Variants in SLC14A2 observed in about 807,000 individuals in gnomAD.
SLC14A2 encodes urea transporter 2.
In SLC14A2, 91 loss-of-function variants were observed where a neutral mutation model predicts 104.6. That is an observed-to-expected ratio of 0.87 (90% CI 0.73 to 1.04). The LOEUF (loss-of-function observed/expected upper bound fraction) is 1.04. SLC14A2 is among the 50% of genes least tolerant of loss of function. The pLI is 0.00. For synonymous variants in SLC14A2, 476 were observed against 466.4 expected (o/e 1.02, Z -0.27); for missense variants, 1,189 against 1,156.0 (o/e 1.03, Z -0.41).
chr18:45,682,481 T>G lies in SLC14A2; in HGVS notation c.2725T>G (p.Ser909Ala). ...GTCCCAGGAGAGAAACAGAAGGGCA[T>G]CAATCATAACAAAGTATCAGGCCTA... is the stretch of plus-strand genomic sequence containing the variant. ...YLSQERNRRA[S>A]IITKYQAYDV... Residue 909 changes from serine to alanine, a missense_variant, in exon 20 of 20, where the codon TCA (serine) becomes GCA (alanine). Ser to Ala is a moderately conservative substitution (Grantham distance 99, BLOSUM62 1). Coordinates refer to ENST00000255226, the MANE Select transcript of SLC14A2 (RefSeq NM_007163.4). The G allele has an allele frequency of 4.3e-6, 7 of 1,614,130 alleles. No individual in the cohort carries two copies. Among genetic ancestry groups the G allele is most frequent in the Non-Finnish European group, 5.9e-6 (7 of 1,179,994 alleles).
chr18:45,538,356 T>C (rs1005789217), intron 2 of SLC14A2, among the ~76,000 whole-genome samples: 2 of 152,244 alleles, frequency 1.3e-5, no homozygotes, highest in African/African-American at 4.8e-5. Flanking sequence ...TTTAATTACA[T>C]GGGACAAAAC....
chr18:45,677,250 G>C (rs971418329), intron 18 of SLC14A2, among the ~76,000 whole-genome samples: 2 of 152,210 alleles, frequency 1.3e-5, no homozygotes, highest in Admixed American at 1.3e-4. Flanking sequence ...ATATCAGTGG[G>C]GGAAGAGGGA....
At chr18:45,448,392 T>C (rs1227033938) in intron 1 of SLC14A2, among the ~76,000 whole-genome samples, 1 of 152,210 alleles carries the variant, frequency 6.6e-6, no homozygotes, top group African/African-American at 2.4e-5. Flanking sequence ...TAATTAATAA[T>C]ATGTAAACTG....
intron 1 of SLC14A2, among the ~76,000 whole-genome samples, chr18:45,246,830 T>C (rs2084371937): frequency 6.6e-6 from 1 of 151,950 alleles, no homozygotes; most frequent in Non-Finnish European, 1.5e-5. Flanking sequence ...CCAAATATAG[T>C]GAAACCCCGT....
At chr18:45,392,747 A>G (rs2085984929) in intron 1 of SLC14A2, among the ~76,000 whole-genome samples, 1 of 152,210 alleles carries the variant, frequency 6.6e-6, no homozygotes, top group Non-Finnish European at 1.5e-5. Context: ...AATTGTTGGA[A>G]TTAACTTGTT....
At chr18:45,680,802 A>G (rs1472866506) in intron 19 of SLC14A2, among the ~76,000 whole-genome samples, 1 of 152,234 alleles carries the variant, frequency 6.6e-6, no homozygotes, top group African/African-American at 2.4e-5. Context: ...CGGTTCTTGG[A>G]CTGTGGAAAT....
intron 2 of SLC14A2, among the ~76,000 whole-genome samples, chr18:45,558,673 A>C (rs2044163160): frequency 6.6e-6 from 1 of 152,152 alleles, no homozygotes; most frequent in Admixed American, 6.5e-5. Flanking sequence ...TAGTGCTTGC[A>C]CCTTGGAGAG....
At chr18:45,340,967 G>A (rs2085387802) in intron 1 of SLC14A2, among the ~76,000 whole-genome samples, 1 of 152,164 alleles carries the variant, frequency 6.6e-6, no homozygotes. Context: ...TAACAATAGA[G>A]TTGCTGTATT....
chr18:45,366,931 G>A (rs917176286), intron 1 of SLC14A2, among the ~76,000 whole-genome samples: 1 of 152,176 alleles, frequency 6.6e-6, no homozygotes, highest in Non-Finnish European at 1.5e-5. Context: ...TTAAGGGCAG[G>A]GCTGGGACTT....
intron 1 of SLC14A2, among the ~76,000 whole-genome samples, chr18:45,451,926 G>A (rs2086864326): frequency 1.3e-5 from 2 of 152,140 alleles, no homozygotes; most frequent in Admixed American, 6.5e-5. Flanking sequence ...TCAAACCTCA[G>A]TTAACCAGAA....
intron 2 of SLC14A2, among the ~76,000 whole-genome samples, chr18:45,523,859 G>A (rs1179973678): frequency 1.3e-5 from 2 of 152,204 alleles, no homozygotes; most frequent in African/African-American, 2.4e-5. Flanking sequence ...ACACTAGGCT[G>A]TTTGTGTGCC....
intron 1 of SLC14A2, among the ~76,000 whole-genome samples, chr18:45,482,130 G>T (rs1280605275): frequency 1.3e-5 from 2 of 152,178 alleles, no homozygotes; most frequent in Non-Finnish European, 2.9e-5. Flanking sequence ...CATACCCATT[G>T]AAAGCCAGCT....
intron 10 of SLC14A2, among the ~76,000 whole-genome samples, chr18:45,651,801 A>G (rs889664292): frequency 1.3e-5 from 2 of 152,254 alleles, no homozygotes; most frequent in African/African-American, 4.8e-5. Flanking sequence ...AAAATATGCC[A>G]CAAGTGCCTT....
At chr18:45,192,083 A>G in the SLC14A2 span, among the ~76,000 whole-genome samples, 31 of 152,264 alleles carry the variant, frequency 2.0e-4, no homozygotes, top group Middle Eastern at 3.4e-3. Context: ...CTCAGCTTTC[A>G]ACTGTGCTTC....
chr18:45,282,172 G>T (rs1859840218), intron 1 of SLC14A2, among the ~76,000 whole-genome samples: 1 of 152,074 alleles, frequency 6.6e-6, no homozygotes, highest in Non-Finnish European at 1.5e-5. Context: ...TCCAGAGAAG[G>T]GTTTGAGAAC....
At chr18:45,362,355 C>T (rs1358144184) in intron 1 of SLC14A2, among the ~76,000 whole-genome samples, 1 of 152,176 alleles carries the variant, frequency 6.6e-6, no homozygotes, top group Non-Finnish European at 1.5e-5. Flanking sequence ...ATGTGGCTGC[C>T]AGTTGATCTC....
chr18:45,462,584 G>A (rs9949957), intron 1 of SLC14A2, among the ~76,000 whole-genome samples: 1,603 of 152,288 alleles, frequency 0.011, 23 homozygotes, highest in African/African-American at 0.037. Context: ...TAATTGAAAT[G>A]TATCCCTTTA....
At chr18:45,651,454 TG>T (rs2045735618) in intron 10 of SLC14A2, among the ~76,000 whole-genome samples, 1 of 152,040 alleles carries the variant, frequency 6.6e-6, no homozygotes, top group Non-Finnish European at 1.5e-5. Context: ...ACTTGTTCAG[TG>T]TTTCTCCAGA....
chr18:45,458,343 G>T (rs2086982067), intron 1 of SLC14A2, among the ~76,000 whole-genome samples: 1 of 144,170 alleles, frequency 6.9e-6, no homozygotes, highest in African/African-American at 2.4e-5. Flanking sequence ...TGTCTTCCAT[G>T]AAAATGTTCT....
Sources: allele counts gnomAD v4.1 joint callset (sites outside exome capture counted in the v4.1 genomes callset), GRCh38; gene constraint gnomAD v4.1.1; transcripts MANE v1.5; gene names NCBI Gene and HGNC (gene_info 2026-07-23, HGNC 2026-07-21).